Variants in SLC7A11 observed in about 807,000 individuals in gnomAD.
SLC7A11 encodes cystine/glutamate transporter.
In SLC7A11, 35 loss-of-function variants were observed where a neutral mutation model predicts 54.5. The observed-to-expected ratio is 0.64, with a 90% CI of 0.49 to 0.85. The LOEUF (loss-of-function observed/expected upper bound fraction) is 0.85. Among genes scored for constraint, SLC7A11 ranks in the 40% least tolerant of loss-of-function variants. The pLI is 0.00. For missense variants in SLC7A11, 583 were observed against 618.1 expected (o/e 0.94, Z 0.60); for synonymous variants, 230 against 225.2 (o/e 1.02, Z -0.19).
chr4:138,183,375 C>A, intron 7 of SLC7A11, 70 bp from the exon 8 acceptor site: 1 of 979,932 alleles, frequency 1.0e-6, no homozygotes, highest in Non-Finnish European at 1.6e-6. Flanking sequence ...CAATTTAGGC[C>A]AAACTTGCTC....
chr4:138,237,735 A>AT (rs1738266874), intron 1 of SLC7A11, among the ~76,000 whole-genome samples: 3 of 9,216 alleles, frequency 3.3e-4, no homozygotes, highest in Non-Finnish European at 3.5e-4. Flanking sequence ...ATATATATAT[A>AT]TATTTTTTTT....
chr4:138,183,254 C>G lies in SLC7A11; in HGVS notation c.967G>C (p.Val323Leu). 6.2e-7 allele frequency: 1 copy of G among 1,612,172 alleles called. No homozygotes were observed. Among genetic ancestry groups the G allele is most frequent in the East Asian group, 2.2e-5 (1 of 44,654 alleles). ...ATGGAGCCAAAGCAGGAGAGGGCAA[C>G]AAAGATCGGAACTGCTAATGAGAAA... Reference protein sequence around the residue: ...GNFSLAVPIFVALSCFGSMNG... With the variant: ...GNFSLAVPIFLALSCFGSMNG... Residue 323 changes from valine (V) to leucine (L), a missense_variant, in exon 8 of 12, where the codon GTT becomes CTT. Coordinates refer to ENST00000280612, the MANE Select transcript of SLC7A11 (RefSeq NM_014331.4).
chr4:138,187,730 C>T (rs1481714664), intron 6 of SLC7A11, among the ~76,000 whole-genome samples: 1 of 152,160 alleles, frequency 6.6e-6, no homozygotes, highest in Non-Finnish European at 1.5e-5. Flanking sequence ...ATTTTTATCA[C>T]TTTTCTGTGT....
In SLC7A11 at chr4:138,164,711, G is replaced by GTTT. The variant is rs1420334943; in HGVS notation, c.*7244_*7245insAAA. ...AGTTTCATGATCACAGTGCCAGAGT[G>GTTT]AAGAAACTCTGCTTGAGTTGAGGAC... On this transcript the variant is annotated 3_prime_UTR_variant, in exon 12 of 12. Coordinates refer to ENST00000280612, the MANE Select transcript of SLC7A11 (RefSeq NM_014331.4). 2.6e-5 allele frequency: 4 copies of GTTT among 152,142 alleles called. No homozygotes were observed. Among genetic ancestry groups the GTTT allele is most frequent in the Non-Finnish European group, 5.9e-5 (4 of 68,002 alleles). 9.4% of individuals were successfully genotyped at this position (152,142 alleles called of 1,614,324 possible).
At chr4:138,237,731 ATATATATTTTTTTTTTTTT>A (rs1205620663) in intron 1 of SLC7A11, among the ~76,000 whole-genome samples, 24 of 10,636 alleles carry the variant, frequency 2.3e-3, no homozygotes, top group East Asian at 0.01. Flanking sequence ...ATATATATAT[ATATATATTTTTTTTTTTTT>A]TTTTTTTTTT....
At chr4:138,237,739 T>TATATA (rs1738270196) in intron 1 of SLC7A11, among the ~76,000 whole-genome samples, 4 of 9,192 alleles carry the variant, frequency 4.4e-4, no homozygotes, top group Non-Finnish European at 5.5e-4. Flanking sequence ...ATATATATAT[T>TATATA]TTTTTTTTTT....
intron 6 of SLC7A11, among the ~76,000 whole-genome samples, chr4:138,209,435 T>C (rs1737488142): frequency 6.6e-6 from 1 of 151,994 alleles, no homozygotes; most frequent in African/African-American, 2.4e-5. Flanking sequence ...ATAATGCAAA[T>C]TACACATCTG....
chr4:138,217,533 A>C (rs1560733935), intron 5 of SLC7A11, among the ~76,000 whole-genome samples: 1 of 152,186 alleles, frequency 6.6e-6, no homozygotes, highest in Non-Finnish European at 1.5e-5. Flanking sequence ...AAGTGACCTG[A>C]ATTTTTAGTT....
chr4:138,168,533 T>G lies in SLC7A11; in HGVS notation c.*3423A>C, dbSNP rs988732543. The G allele has an allele frequency of 6.6e-6, 1 of 152,196 alleles. No homozygotes were observed. Among genetic ancestry groups the G allele is most frequent in the Non-Finnish European group, 1.5e-5 (1 of 68,032 alleles). 9.4% of individuals were successfully genotyped at this position (152,196 alleles called of 1,614,324 possible). On this transcript the variant is annotated 3_prime_UTR_variant, in exon 12 of 12. Transcript: ENST00000280612. ...AGACTGATTACAGTTCATGAGGAAT[T>G]CTGTTATGTAATTATACTCTTGTTA... is the stretch of plus-strand genomic sequence containing the variant.
chr4:138,199,485 T>A (rs2148426426), intron 6 of SLC7A11, among the ~76,000 whole-genome samples: 1 of 152,276 alleles, frequency 6.6e-6, no homozygotes, highest in African/African-American at 2.4e-5. Context: ...TAGAGATTTG[T>A]GTTCCCGTCA....
chr4:138,228,794 A>G (rs2148450542), intron 3 of SLC7A11, among the ~76,000 whole-genome samples: 1 of 150,770 alleles, frequency 6.6e-6, no homozygotes, highest in South Asian at 2.1e-4. Context: ...AACAAACGAA[A>G]GTAATTAAAT....
At chr4:138,182,219 C>CAT (rs1736759068) in intron 9 of SLC7A11, 78 bp downstream of exon 9, 2 of 901,078 alleles carry the variant, frequency 2.2e-6, no homozygotes, top group Admixed American at 1.8e-5. Context: ...AAAATACTAT[C>CAT]TAATGTCTGG....
chr4:138,211,487 C>G (rs2148436637), intron 6 of SLC7A11, among the ~76,000 whole-genome samples: 1 of 151,904 alleles, frequency 6.6e-6, no homozygotes, highest in Middle Eastern at 3.4e-3. Flanking sequence ...GGCTCTCAAA[C>G]CACTAAAAAT....
intron 6 of SLC7A11, among the ~76,000 whole-genome samples, chr4:138,190,628 T>C (rs1421916392): frequency 6.6e-6 from 1 of 152,162 alleles, no homozygotes; most frequent in African/African-American, 2.4e-5. Flanking sequence ...CAAACTTCAG[T>C]CATGTGTTGC....
intron 5 of SLC7A11, among the ~76,000 whole-genome samples, chr4:138,215,204 C>A (rs887099589): frequency 6.6e-6 from 1 of 152,010 alleles, no homozygotes; most frequent in African/African-American, 2.4e-5. Flanking sequence ...ACTTTTCTAC[C>A]TTTTCCTTTT....
rs1445280720 is a variant in SLC7A11 at position 138,168,281 on chromosome 4, C to T, written c.*3675G>A. The stretch of plus-strand genomic sequence containing the variant: ...TCCTGCGAGATCCACCTATGCACAG[C>T]AAACAACTAATTTTTAATATTTCTC... On this transcript the variant is annotated 3_prime_UTR_variant, in exon 12 of 12. Transcript: ENST00000280612. 6.6e-6 allele frequency: 1 copy of T among 152,150 alleles called. No homozygotes were observed. The highest frequency in any genetic ancestry group is 6.6e-5 in the Admixed American group (1 of 15,264). The allele number at this position is 152,150 out of a possible 1,614,324, so 9.4% of individuals were successfully genotyped here. A position where few individuals can be genotyped will look rare whatever the true frequency, so the allele number is the denominator to read the frequency against.
intron 11 of SLC7A11, chr4:138,177,659 AC>A (rs2148409461): frequency 6.6e-6 from 1 of 152,250 alleles, no homozygotes; most frequent in Non-Finnish European, 1.5e-5. Flanking sequence ...ATAGCACCTC[AC>A]ACATCAACCT....
chr4:138,226,556 A>C (rs1026204832), intron 3 of SLC7A11, among the ~76,000 whole-genome samples: 2 of 144,410 alleles, frequency 1.4e-5, no homozygotes, highest in Admixed American at 7.1e-5. Context: ...TTTAACAAGT[A>C]ACAAGGCAGC....
rs943027722 is a variant in SLC7A11, at chr4:138,182,386, A to C, written c.1027T>G (p.Tyr343Asp). The C allele has an allele frequency of 4.4e-6, 7 of 1,601,122 alleles. No homozygotes were observed. Among genetic ancestry groups the C allele is most frequent in the Middle Eastern group, 1.7e-4 (1 of 6,050 alleles). ...AGGTGACCCTCTCGAGACGCAACAT[A>C]GAATAACCTGATGGGAGAGAAATGT... ...GGVFAVSRLF[Y>D]VASREGHLPE... is the part of the protein sequence containing the mutation. The change falls in exon 9 of 12, where the codon TAT becomes GAT. Residue 343 changes from tyrosine to aspartate, a missense_variant. Transcript: ENST00000280612.
Sources: allele counts gnomAD v4.1 joint callset (sites outside exome capture counted in the v4.1 genomes callset), GRCh38; gene constraint gnomAD v4.1.1; transcripts MANE v1.5; gene names NCBI Gene and HGNC (gene_info 2026-07-23, HGNC 2026-07-21).